Variants in SEC31B observed in about 807,000 individuals in gnomAD.
SEC31B encodes SEC31 homolog B, COPII component.
In SEC31B, 113 loss-of-function variants were observed where a neutral mutation model predicts 135.0. The observed-to-expected ratio is 0.84, with a 90% CI of 0.72 to 0.98. SEC31B has a LOEUF of 0.98. Ranked by LOEUF, SEC31B falls within the 50% of genes least tolerant of loss-of-function variation. SEC31B has a pLI of 0.00. For missense variants in SEC31B, 1,296 were observed against 1,421.1 expected (o/e 0.91, Z 1.42); for synonymous variants, 508 against 549.4 (o/e 0.92, Z 1.05).
chr10:100,503,102 T>A (rs1480226414), intron 10 of SEC31B, among the ~76,000 whole-genome samples: 1 of 152,156 alleles, frequency 6.6e-6, no homozygotes, highest in East Asian at 1.9e-4. Flanking sequence ...AGCATCTCTC[T>A]CCCTGCTTGT....
chr10:100,516,844 A>AT, intron 2 of SEC31B, 30 bp downstream of exon 2: 1 of 1,531,452 alleles, frequency 6.5e-7, no homozygotes, highest in Middle Eastern at 1.7e-4. Flanking sequence ...ATGTACTCCC[A>AT]GTGGATCCTA....
At chr10:100,505,699 T>C in intron 9 of SEC31B, 2 of 1,417,520 alleles carry the variant, frequency 1.4e-6, no homozygotes, top group Non-Finnish European at 1.8e-6. Context: ...GACTACTACA[T>C]TCAAAGTCTA....
At chr10:100,497,829 A>T (rs921009432) in intron 15 of SEC31B, 36 bp from the exon 16 acceptor site, 2 of 1,613,992 alleles carry the variant, frequency 1.2e-6, no homozygotes, top group African/African-American at 2.7e-5. Flanking sequence ...ACCATCAGCC[A>T]TCCATCCAGC....
chr10:100,515,481 C>A (rs1433007230), intron 3 of SEC31B, among the ~76,000 whole-genome samples: 1 of 152,154 alleles, frequency 6.6e-6, no homozygotes, highest in Non-Finnish European at 1.5e-5. Context: ...AGGCTTTGGA[C>A]ACAGATAGGC....
At chr10:100,516,745 A>C in intron 2 of SEC31B, 129 bp downstream of exon 2, 1 of 629,692 alleles carries the variant, frequency 1.6e-6, no homozygotes, top group East Asian at 3.5e-5. Flanking sequence ...CTCCTTGCTT[A>C]TGCTGTGAGC....
intron 10 of SEC31B, among the ~76,000 whole-genome samples, chr10:100,504,631 A>T (rs562348031): frequency 6.6e-6 from 1 of 152,300 alleles, no homozygotes; most frequent in South Asian, 2.1e-4. Context: ...TAATATGCAT[A>T]TATGTATATA....
intron 16 of SEC31B, 93 bp from the exon 17 acceptor site, chr10:100,497,373 G>A: frequency 6.4e-7 from 1 of 1,563,018 alleles, no homozygotes; most frequent in Admixed American, 1.8e-5. Flanking sequence ...ATGAGCCTGG[G>A]ACAAGTAGCT....
At chr10:100,501,013 C>T (rs1324055974) in intron 11 of SEC31B, among the ~76,000 whole-genome samples, 1 of 151,440 alleles carries the variant, frequency 6.6e-6, no homozygotes, top group Non-Finnish European at 1.5e-5. Flanking sequence ...TCGAGACTAG[C>T]CTGGCCAACA....
intron 5 of SEC31B, 122 bp from the exon 6 acceptor site, chr10:100,508,173 C>T (rs957131811): frequency 8.3e-7 from 1 of 1,202,968 alleles, no homozygotes; most frequent in Admixed American, 1.9e-5. Context: ...GCTACCCAAA[C>T]TAAGACAGTG....
intron 10 of SEC31B, 76 bp from the exon 11 acceptor site, chr10:100,502,560 A>C (rs1851543818): frequency 1.1e-6 from 1 of 927,528 alleles, no homozygotes; most frequent in Non-Finnish European, 1.6e-6. Flanking sequence ...TTCACAGAGA[A>C]GGCTATCTAA....
chr10:100,505,326 AAAC>A, intron 10 of SEC31B, 32 bp downstream of exon 10: 1 of 1,602,638 alleles, frequency 6.2e-7, no homozygotes. Flanking sequence ...ACACACACAC[AAAC>A]ACACACACAC....
chr10:100,496,508 G>T, intron 17 of SEC31B, 77 bp from the exon 18 acceptor site: 2 of 1,493,702 alleles, frequency 1.3e-6, no homozygotes, highest in Non-Finnish European at 1.8e-6. Flanking sequence ...GCTCATTCAG[G>T]GATCTCCCAC....
At chr10:100,512,894 C>G (rs528349352) in intron 3 of SEC31B, among the ~76,000 whole-genome samples, 1 of 152,308 alleles carries the variant, frequency 6.6e-6, no homozygotes, top group East Asian at 1.9e-4. Flanking sequence ...AGATAACTGA[C>G]TTGATTTGCC....
rs2133664381 is a variant in SEC31B at position 100,487,395 on chromosome 10, C to T, written c.*221G>A. On this transcript the variant is annotated 3_prime_UTR_variant, in exon 26 of 26. Transcript: ENST00000370345. ...GAAGAACTGATTCTATGCCCTGCCT[C>T]CAGGCCTGAGAGTGTCTTGGACAGA... 3.5e-6 allele frequency: 2 copies of T among 566,810 alleles called. No individual in the cohort carries two copies. Among genetic ancestry groups the T allele is most frequent in the Admixed American group, 6.2e-5 (2 of 32,466 alleles). 35.1% of individuals were successfully genotyped at this position (566,810 alleles called of 1,614,324 possible). A position where few individuals can be genotyped will look rare whatever the true frequency, so the allele number is the denominator to read the frequency against.
chr10:100,517,322 C>G lies in SEC31B; in HGVS notation c.-45-325G>C, dbSNP rs544352953. Among the ~76,000 whole-genome samples, 5 of 152,244 alleles carry G rather than the reference C, an allele frequency of 3.3e-5. No individual in the cohort carries two copies. In the South Asian group the frequency reaches 1.0e-3, roughly 32 times the overall value. ...GCTGATGATCCCCAAATTTATATCACCATCACAAATCTCTCCTCTAAGCTC... is the reference window on the plus strand; with the variant it reads ...GCTGATGATCCCCAAATTTATATCAGCATCACAAATCTCTCCTCTAAGCTC... On this transcript the variant is annotated intron_variant, in intron 1 of 25. Transcript: ENST00000370345.
intron 17 of SEC31B, among the ~76,000 whole-genome samples, 156 bp downstream of exon 17, chr10:100,496,979 G>A (rs957228586): frequency 1.3e-5 from 2 of 152,242 alleles, no homozygotes; most frequent in African/African-American, 4.8e-5. Context: ...GAGGGAAGAG[G>A]AGAAGATCCC....
At chr10:100,488,997 A>G in intron 23 of SEC31B, 23 bp from the exon 24 acceptor site, 5 of 1,584,454 alleles carry the variant, frequency 3.2e-6, no homozygotes, top group Non-Finnish European at 4.3e-6. Context: ...AAGCAGGGAG[A>G]AAGGCCAGAG....
Position 100,497,727 on chromosome 10 carries a change from T to G in SEC31B, c.1930A>C (p.Arg644=). 1 of 1,614,224 alleles carries G rather than the reference T, an allele frequency of 6.2e-7. No individual in the cohort carries two copies. Among genetic ancestry groups the G allele is most frequent in the Non-Finnish European group, 8.5e-7 (1 of 1,180,048 alleles). Residue 644 remains arginine, a synonymous_variant, in exon 16 of 26, where the codon AGA becomes CGA. Coordinates refer to ENST00000370345, the MANE Select transcript of SEC31B (RefSeq NM_015490.4). ...GTCAGTAGCAAAGCCAGTGCCTCTC[T>G]CCAGTTCTTCAGGCTACAGGTACAC... The part of the protein sequence containing the change: ...VVCTCSLKNW[R]EALALLLTYS...
chr10:100,494,154 G>C (rs1189540129), intron 19 of SEC31B, among the ~76,000 whole-genome samples: 1 of 152,026 alleles, frequency 6.6e-6, no homozygotes, highest in African/African-American at 2.4e-5. Context: ...GCAAGCTTCT[G>C]GCCTCACATC....
Sources: allele counts gnomAD v4.1 joint callset (sites outside exome capture counted in the v4.1 genomes callset), GRCh38; gene constraint gnomAD v4.1.1; transcripts MANE v1.5; gene names NCBI Gene and HGNC (gene_info 2026-07-23, HGNC 2026-07-21).